NTRK2: variants seen among roughly 807,000 people sequenced by gnomAD.
NTRK2 encodes BDNF/NT-3 growth factors receptor.
In NTRK2, 13 loss-of-function variants were observed where a neutral mutation model predicts 94.5. The observed-to-expected ratio is 0.14, with a 90% confidence interval of 0.09 to 0.22. The LOEUF is 0.22. Among genes scored for constraint, NTRK2 ranks in the 10% least tolerant of loss-of-function variants. The probability of loss-of-function intolerance (pLI) is 1.00; values close to 1 mark genes in which losing one functional copy is unlikely to be tolerated. For missense variants in NTRK2, 639 were observed against 1,071.2 expected, an observed-to-expected ratio of 0.60 and a Z score of 5.63; for synonymous variants, 372 against 407.4, an observed-to-expected ratio of 0.91 and a Z score of 1.05.
intron 14 of NTRK2, among the ~76,000 whole-genome samples, chr9:84,910,506 G>C (rs2077206850): frequency 6.6e-6 from 1 of 152,002 alleles, no homozygotes; most frequent in South Asian, 2.1e-4. Context: ...GCTCGTCATT[G>C]GATTTAAGGC....
chr9:84,729,810 A>C (rs1373384263), intron 9 of NTRK2, among the ~76,000 whole-genome samples: 1 of 152,208 alleles, frequency 6.6e-6, no homozygotes, highest in Non-Finnish European at 1.5e-5. Flanking sequence ...GTCTTTTGAT[A>C]TCAATGCACA....
At chr9:84,833,227 C>T (rs1051238971) in intron 12 of NTRK2, among the ~76,000 whole-genome samples, 5 of 152,108 alleles carry the variant, frequency 3.3e-5, no homozygotes, top group Non-Finnish European at 7.4e-5. Flanking sequence ...TCAGCTTGGG[C>T]TGCACACTAA....
chr9:84,737,283 A>G (rs1038329248), intron 9 of NTRK2, among the ~76,000 whole-genome samples: 2 of 152,176 alleles, frequency 1.3e-5, no homozygotes, highest in African/African-American at 4.8e-5. Context: ...TTTTTATCCA[A>G]CAAACCTGTT....
chr9:84,774,030 T>C (rs561400926), intron 12 of NTRK2, among the ~76,000 whole-genome samples: 1 of 152,214 alleles, frequency 6.6e-6, no homozygotes, highest in Non-Finnish European at 1.5e-5. Context: ...CTACTGTGCC[T>C]TCCTGCCCTC....
At chr9:84,733,482 C>A (rs7867851) in intron 9 of NTRK2, among the ~76,000 whole-genome samples, 2,437 of 152,292 alleles carry the variant, frequency 0.016, 27 homozygotes, top group Admixed American at 0.025. Flanking sequence ...TGGGCTACCC[C>A]TTGCAGCGAG....
intron 2 of NTRK2, among the ~76,000 whole-genome samples, chr9:84,688,303 A>G (rs2059840692): frequency 6.6e-6 from 1 of 152,176 alleles, no homozygotes; most frequent in Non-Finnish European, 1.5e-5. Context: ...GGCCCTTTGC[A>G]TTGTGGACCT....
intron 12 of NTRK2, among the ~76,000 whole-genome samples, chr9:84,768,850 G>C (rs890468383): frequency 6.6e-6 from 1 of 152,110 alleles, no homozygotes; most frequent in Non-Finnish European, 1.5e-5. Context: ...CAGGGGTAAG[G>C]GGGGATCCTG....
chr9:84,799,713 T>C (rs1450401625), intron 12 of NTRK2, among the ~76,000 whole-genome samples: 1 of 152,176 alleles, frequency 6.6e-6, no homozygotes, highest in Non-Finnish European at 1.5e-5. Flanking sequence ...ATCTCTGGCA[T>C]AGAAGAATTG....
intron 17 of NTRK2, among the ~76,000 whole-genome samples, chr9:84,997,390 T>C (rs1829877826): frequency 6.6e-6 from 1 of 152,194 alleles, no homozygotes; most frequent in Non-Finnish European, 1.5e-5. Flanking sequence ...TTAAGGAATC[T>C]GTCCCTAAGG....
chr9:84,706,478 C>T (rs559220599), intron 4 of NTRK2, among the ~76,000 whole-genome samples: 296 of 150,068 alleles, frequency 2.0e-3, no homozygotes, highest in Non-Finnish European at 3.4e-3. Flanking sequence ...AGGTGAGGGG[C>T]CAGGATCACT....
chr9:85,000,413 T>C (rs1352178186), intron 17 of NTRK2, among the ~76,000 whole-genome samples: 2 of 152,172 alleles, frequency 1.3e-5, no homozygotes, highest in African/African-American at 4.8e-5. Context: ...CCCTATCCCC[T>C]AGCCACTGGA....
At chr9:84,794,936 G>A (rs967528143) in intron 12 of NTRK2, among the ~76,000 whole-genome samples, 6 of 152,078 alleles carry the variant, frequency 3.9e-5, no homozygotes, top group Admixed American at 3.9e-4. Flanking sequence ...AGCTGTGACT[G>A]GGAAAAATAC....
At chr9:84,693,722 G>A (rs568400822) in intron 2 of NTRK2, among the ~76,000 whole-genome samples, 11 of 152,154 alleles carry the variant, frequency 7.2e-5, no homozygotes, top group South Asian at 2.1e-4. Flanking sequence ...AGTTACTGTC[G>A]TTACTGCATT....
At chr9:85,004,118 G>GTGAGGAAGGAAGGGAGGAAGGGAA in intron 17 of NTRK2, among the ~76,000 whole-genome samples, 1 of 150,988 alleles carries the variant, frequency 6.6e-6, no homozygotes, top group South Asian at 2.1e-4. Context: ...GAGGAAGGGA[G>GTGAGGAAGGAAGGGAGGAAGGGAA]TGAGGAAGGA....
At chr9:84,990,679 T>C (rs1268171736) in intron 17 of NTRK2, among the ~76,000 whole-genome samples, 2 of 152,318 alleles carry the variant, frequency 1.3e-5, no homozygotes, top group East Asian at 3.9e-4. Flanking sequence ...GCTTTGGTTT[T>C]GAGAACTAAA....
At chr9:84,842,079 T>G (rs2074216993) in intron 12 of NTRK2, among the ~76,000 whole-genome samples, 1 of 152,188 alleles carries the variant, frequency 6.6e-6, no homozygotes. Context: ...ACACAAGCAG[T>G]GTGAATGACT....
chr9:84,900,229 G>A (rs1450115345), intron 14 of NTRK2, among the ~76,000 whole-genome samples: 1 of 152,148 alleles, frequency 6.6e-6, no homozygotes, highest in Non-Finnish European at 1.5e-5. Context: ...TAGAGGTCCT[G>A]TAATTGTATC....
intron 15 of NTRK2, among the ~76,000 whole-genome samples, chr9:84,947,129 T>A (rs77828109): frequency 6.6e-6 from 1 of 152,260 alleles, no homozygotes; most frequent in Non-Finnish European, 1.5e-5. Flanking sequence ...CTAATTTTTG[T>A]ATTTTTAGTA....
chr9:84,788,447 A>G lies in NTRK2; in HGVS notation c.1396+36362A>G, dbSNP rs572254928. Among the ~76,000 whole-genome samples the G allele has an allele frequency of 5.9e-5, 9 of 152,330 alleles. No individual in the cohort carries two copies. In the South Asian group the frequency reaches 6.2e-4, roughly 11 times the overall value. ...GCTGAAAAGCAAACATCAGAGGGCA[A>G]TGTGACATGTTGTGTCATCAATGTC... On this transcript the variant is annotated intron_variant, in intron 12 of 18. Transcript: ENST00000277120.
Sources: allele counts gnomAD v4.1 joint callset (sites outside exome capture counted in the v4.1 genomes callset), GRCh38; gene constraint gnomAD v4.1.1; transcripts MANE v1.5; gene names NCBI Gene and HGNC (gene_info 2026-07-23, HGNC 2026-07-21).